The following PTPRT variants were observed in gnomAD, a reference collection of about 807,000 sequenced individuals.
PTPRT encodes protein tyrosine phosphatase receptor type T.
Under a neutral mutation model 176.8 loss-of-function variants are expected in PTPRT, and 56 were observed. The observed-to-expected ratio is 0.32, with a 90% CI of 0.26 to 0.40. PTPRT has a LOEUF of 0.40. Ranked by LOEUF, PTPRT falls within the 10% of genes least tolerant of loss-of-function variation. The pLI is 1.00. For missense variants in PTPRT, 1,540 were observed against 1,908.2 expected (o/e 0.81, Z 3.60); for synonymous variants, 783 against 739.0 (o/e 1.06, Z -0.96).
At chr20:42,409,481 CAAAAAAA>C (rs58932390) in intron 9 of PTPRT, among the ~76,000 whole-genome samples, 605 of 110,808 alleles carry the variant, frequency 5.5e-3, no homozygotes, top group Admixed American at 8.8e-3. Flanking sequence ...GACTCTGTCG[CAAAAAAA>C]AAAAAAAAAA....
intron 7 of PTPRT, among the ~76,000 whole-genome samples, chr20:42,500,589 A>T (rs1420629105): frequency 3.9e-5 from 6 of 152,058 alleles, no homozygotes; most frequent in Admixed American, 3.9e-4. Flanking sequence ...CTTTAAAAAA[A>T]TTCTCTGCCC....
In PTPRT at chr20:42,493,289, GT is replaced by G. The variant is rs572609772; in HGVS notation, c.1154-20728del. ...GTGCAGATTTGTGTTCTAAGTCCAT[GT>G]TTTTAATGATTGTATTCTATGCCTC... is the stretch of plus-strand genomic sequence containing the variant. On this transcript the variant is annotated intron_variant, in intron 7 of 30. Transcript: ENST00000373187. Among the ~76,000 whole-genome samples, 457 of 152,202 alleles carry G rather than the reference GT, an allele frequency of 3.0e-3. 3 individuals are homozygous for G. Among genetic ancestry groups the G allele is most frequent in the African/African-American group, 0.01 (422 of 41,538 alleles).
intron 1 of PTPRT, among the ~76,000 whole-genome samples, chr20:43,127,737 T>C (rs1422179550): frequency 3.9e-5 from 6 of 152,192 alleles, no homozygotes; most frequent in Admixed American, 6.5e-5. Flanking sequence ...CACCTGGGCA[T>C]TCCAAAGAGA....
chr20:42,736,480 C>T (rs2076541843), intron 6 of PTPRT, among the ~76,000 whole-genome samples: 3 of 152,240 alleles, frequency 2.0e-5, no homozygotes, highest in Non-Finnish European at 4.4e-5. Context: ...CACAATGTGC[C>T]AAGCACCAGG....
Position 42,084,815 on chromosome 20 carries a change from G to C in PTPRT, c.4003C>G (p.Leu1335Val), listed in dbSNP as rs1983712966. ...TAGGCAGGCCAGCCAATGTACTGGAGGTGCTGGACTATACGATAACCATCC... is the reference window on the plus strand; with the variant it reads ...TAGGCAGGCCAGCCAATGTACTGGACGTGCTGGACTATACGATAACCATCC... ...PQDGYRIVQHLQYIGWPAYRD... is the reference protein window; with the variant it reads ...PQDGYRIVQHVQYIGWPAYRD... Residue 1335 changes from leucine (L) to valine (V), a missense_variant, in exon 29 of 31, where the codon CTC (leucine) becomes GTC (valine). This residue lies in a region of PTPRT where 342 missense variants were observed against 394.0 expected (regional missense o/e 0.87). Coordinates refer to ENST00000373187, the MANE Select transcript of PTPRT (RefSeq NM_007050.6). 6.6e-7 allele frequency: 1 copy of C among 1,510,468 alleles called. No individual in the cohort carries two copies. Among genetic ancestry groups the C allele is most frequent in the Admixed American group, 1.9e-5 (1 of 53,332 alleles). 93.6% of individuals were successfully genotyped at this position (1,510,468 alleles called of 1,614,324 possible). A position where few individuals can be genotyped will look rare whatever the true frequency, so the allele number is the denominator to read the frequency against.
chr20:43,133,286 T>G (rs965085271), intron 1 of PTPRT, among the ~76,000 whole-genome samples: 2 of 152,234 alleles, frequency 1.3e-5, no homozygotes, highest in African/African-American at 4.8e-5. Context: ...TATACTTCCT[T>G]TCCCATAAAG....
At position 42,210,245 on chromosome 20, in the gene PTPRT, G is replaced by A. The variant is rs957396554; in HGVS notation, c.2343-10857C>T. On this transcript the variant is annotated intron_variant, in intron 15 of 30. Transcript: ENST00000373187. ...CTCTTTGAAAACTGGCACAAGACAGGGATGCCCTCTCTCACCACTCCTATT... is the reference window on the plus strand; with the variant it reads ...CTCTTTGAAAACTGGCACAAGACAGAGATGCCCTCTCTCACCACTCCTATT... 5.3e-5 allele frequency among the ~76,000 whole-genome samples: 8 copies of A among 152,274 alleles called. No individual in the cohort carries two copies. In the South Asian group the frequency reaches 1.0e-3, roughly 20 times the overall value.
chr20:43,154,373 G>A (rs1211939449), intron 1 of PTPRT, among the ~76,000 whole-genome samples: 5 of 152,084 alleles, frequency 3.3e-5, no homozygotes, highest in African/African-American at 1.2e-4. Flanking sequence ...TCTTCCATTG[G>A]TTTATGTGTC....
intron 9 of PTPRT, among the ~76,000 whole-genome samples, chr20:42,406,393 ACT>A (rs144700766): frequency 0.021 from 3,132 of 152,120 alleles, 118 homozygotes; most frequent in African/African-American, 0.072. Flanking sequence ...ATTATGTATA[ACT>A]CTGTAATAAG....
intron 16 of PTPRT, among the ~76,000 whole-genome samples, chr20:42,163,295 C>T (rs1212042561): frequency 6.6e-6 from 1 of 152,086 alleles, no homozygotes; most frequent in Non-Finnish European, 1.5e-5. Flanking sequence ...CCTTTGGGGA[C>T]CAGCCAAATA....
intron 1 of PTPRT, among the ~76,000 whole-genome samples, chr20:43,142,346 C>G (rs757595576): frequency 2.6e-5 from 4 of 152,212 alleles, no homozygotes; most frequent in Non-Finnish European, 5.9e-5. Context: ...CGACTGTCCC[C>G]CGGGCAGGAT....
At chr20:42,640,084 G>A (rs1271741679) in intron 7 of PTPRT, among the ~76,000 whole-genome samples, 4 of 152,044 alleles carry the variant, frequency 2.6e-5, no homozygotes, top group Non-Finnish European at 5.9e-5. Flanking sequence ...GCTACAATCT[G>A]GTTTCTGCCC....
At chr20:42,633,839 T>A (rs1276321833) in intron 7 of PTPRT, among the ~76,000 whole-genome samples, 2 of 92,012 alleles carry the variant, frequency 2.2e-5, no homozygotes, top group African/African-American at 1.0e-4. Flanking sequence ...TAATATATTA[T>A]AATAATATAA....
At chr20:42,946,491 A>G (rs950637746) in intron 1 of PTPRT, among the ~76,000 whole-genome samples, 3 of 152,246 alleles carry the variant, frequency 2.0e-5, no homozygotes, top group East Asian at 1.9e-4. Context: ...TTTAAGTACA[A>G]CAGATTGTGA....
At chr20:42,887,284 C>T (rs2079118808) in intron 1 of PTPRT, among the ~76,000 whole-genome samples, 1 of 152,106 alleles carries the variant, frequency 6.6e-6, no homozygotes, top group Non-Finnish European at 1.5e-5. Context: ...GGACCAGTGC[C>T]CTTATAAAGA....
At chr20:42,308,331 C>A (rs1201837690) in intron 12 of PTPRT, among the ~76,000 whole-genome samples, 1 of 152,012 alleles carries the variant, frequency 6.6e-6, no homozygotes, top group African/African-American at 2.4e-5. Context: ...TTTCCAGTGA[C>A]AAAACCATGT....
At chr20:42,414,345 T>C (rs1208214810) in intron 9 of PTPRT, among the ~76,000 whole-genome samples, 1 of 152,208 alleles carries the variant, frequency 6.6e-6, no homozygotes, top group Non-Finnish European at 1.5e-5. Flanking sequence ...GTTGAAATAA[T>C]CCAAGCATTT....
At chr20:43,179,286 G>A (rs563195397) in intron 1 of PTPRT, among the ~76,000 whole-genome samples, 1 of 152,140 alleles carries the variant, frequency 6.6e-6, no homozygotes, top group South Asian at 2.1e-4. Context: ...AATAACTTAC[G>A]TGTTTACATC....
At chr20:42,636,726 A>C (rs1023706338) in intron 7 of PTPRT, among the ~76,000 whole-genome samples, 25 of 151,572 alleles carry the variant, frequency 1.6e-4, no homozygotes, top group African/African-American at 4.4e-4. Context: ...TGGAGGTTGC[A>C]GTGAGCCGAG....
Sources: gnomAD v4.1 joint callset for allele counts (sites outside exome capture counted in the v4.1 genomes callset) on GRCh38, gnomAD v4.1.1 for gene constraint, gnomAD v4.1.1 regional missense constraint, MANE v1.5 for transcripts, NCBI Gene and HGNC (gene_info 2026-07-23, HGNC 2026-07-21) for gene names.